PRR16: variants seen among roughly 807,000 people sequenced by gnomAD.
PRR16 encodes the protein proline rich 16.
Under a neutral mutation model 18.2 loss-of-function variants are expected in PRR16, and 6 were observed. The observed-to-expected ratio is 0.33, with a 90% CI of 0.18 to 0.65. PRR16 has a LOEUF of 0.65. Ranked by LOEUF, PRR16 falls within the 30% of genes least tolerant of loss-of-function variation. The pLI, the probability that PRR16 is intolerant of heterozygous loss-of-function variation, is 0.74. For synonymous variants in PRR16, 151 were observed against 147.8 expected (o/e 1.02, Z -0.16); for missense variants, 412 against 376.6 (o/e 1.09, Z -0.78).
chr5:120,502,854 A>G (rs191614846), intron 1 of PRR16, among the ~76,000 whole-genome samples: 1 of 152,318 alleles, frequency 6.6e-6, no homozygotes, highest in Non-Finnish European at 1.5e-5. Flanking sequence ...CCCAAAAAAT[A>G]ATAGTAAGTG....
intron 1 of PRR16, among the ~76,000 whole-genome samples, chr5:120,471,574 C>T (rs573412689): frequency 2.0e-5 from 3 of 151,982 alleles, no homozygotes; most frequent in Non-Finnish European, 4.4e-5. Context: ...TATTATAATT[C>T]GATTTCTTGT....
chr5:120,754,881 A>G, the PRR16 span, among the ~76,000 whole-genome samples: 2 of 151,374 alleles, frequency 1.3e-5, no homozygotes, highest in Non-Finnish European at 2.9e-5. Flanking sequence ...CATGAGGTAT[A>G]AGGAGAGTGA....
At chr5:120,523,709 A>G (rs1482108459) in intron 1 of PRR16, among the ~76,000 whole-genome samples, 2 of 152,148 alleles carry the variant, frequency 1.3e-5, no homozygotes, top group Non-Finnish European at 2.9e-5. Context: ...TTATATGTAT[A>G]TTTAAATTAA....
intron 1 of PRR16, among the ~76,000 whole-genome samples, chr5:120,576,735 C>G (rs560955788): frequency 1.3e-3 from 195 of 152,160 alleles, no homozygotes; most frequent in Non-Finnish European, 2.4e-3. Context: ...AGTTTCTAGC[C>G]TCCTGGCTTT....
chr5:120,672,384 AGT>A (rs1756639867), intron 1 of PRR16, among the ~76,000 whole-genome samples: 1 of 151,852 alleles, frequency 6.6e-6, no homozygotes, highest in South Asian at 2.1e-4. Context: ...AAGTGAAAAG[AGT>A]GTGGAGTGAG....
chr5:120,511,909 G>A (rs921790581), intron 1 of PRR16, among the ~76,000 whole-genome samples: 1 of 152,206 alleles, frequency 6.6e-6, no homozygotes, highest in African/African-American at 2.4e-5. Context: ...CCTTCTAGGG[G>A]TCTTCTAGGA....
Position 120,572,152 on chromosome 5 carries a change from G to A in PRR16, c.159+107507G>A, listed in dbSNP as rs541172474. ...ATTGGTCAAAGGAGTCTCTCATATT[G>A]TATTGGTCAAAGGAGTCTCTCATAT... On this transcript the variant is annotated intron_variant, in intron 1 of 1. Coordinates refer to ENST00000407149, the MANE Select transcript of PRR16 (RefSeq NM_001300783.2). Among the ~76,000 whole-genome samples, 27 of 152,272 alleles carry A rather than the reference G, an allele frequency of 1.8e-4. No homozygotes were observed. In the South Asian group the frequency reaches 5.4e-3, roughly 30 times the overall value.
chr5:120,499,222 G>C (rs1750365249), intron 1 of PRR16, among the ~76,000 whole-genome samples: 1 of 151,600 alleles, frequency 6.6e-6, no homozygotes, highest in Non-Finnish European at 1.5e-5. Context: ...CGACTCTCCT[G>C]TCTCAGCCGC....
At chr5:120,609,599 T>C (rs1280322337) in intron 1 of PRR16, among the ~76,000 whole-genome samples, 1 of 152,208 alleles carries the variant, frequency 6.6e-6, no homozygotes, top group Non-Finnish European at 1.5e-5. Flanking sequence ...GGCTATCTTA[T>C]TGAATTATTT....
Position 120,505,946 on chromosome 5 carries a change from G to GTATATA in PRR16, c.159+41320_159+41325dup, listed in dbSNP as rs10635515. Among the ~76,000 whole-genome samples, 598 of 141,298 alleles carry GTATATA rather than the reference G, an allele frequency of 4.2e-3. 4 individuals are homozygous for GTATATA. Among genetic ancestry groups the GTATATA allele is most frequent in the African/African-American group, 0.012 (474 of 38,646 alleles). The allele number at this position is 141,298 out of a possible 152,430, so 92.7% of individuals were successfully genotyped here. ...TATATATGTGTGTATGTGTGTGTGT[G>GTATATA]TATATATATATATATATATATATAC... On this transcript the variant is annotated intron_variant, in intron 1 of 1. Coordinates refer to ENST00000407149, the MANE Select transcript of PRR16 (RefSeq NM_001300783.2).
chr5:120,646,415 C>G (rs941725987), intron 1 of PRR16, among the ~76,000 whole-genome samples: 1 of 151,642 alleles, frequency 6.6e-6, no homozygotes, highest in Non-Finnish European at 1.5e-5. Flanking sequence ...TTTTAGCAGC[C>G]AAGATGAGAG....
intron 1 of PRR16, among the ~76,000 whole-genome samples, chr5:120,586,291 C>A (rs1580755252): frequency 6.6e-6 from 1 of 151,954 alleles, no homozygotes; most frequent in African/African-American, 2.4e-5. Context: ...AAAAGAGAGA[C>A]CTAATTTACC....
chr5:120,508,080 T>C (rs1186312331), intron 1 of PRR16, among the ~76,000 whole-genome samples: 1 of 152,106 alleles, frequency 6.6e-6, no homozygotes, highest in Non-Finnish European at 1.5e-5. Context: ...CCTAAGTATG[T>C]CATTGGCGGG....
intron 1 of PRR16, among the ~76,000 whole-genome samples, chr5:120,669,380 C>G (rs778937143): frequency 1.4e-4 from 22 of 151,938 alleles, no homozygotes; most frequent in Admixed American, 9.2e-4. Context: ...TTTGCCAACT[C>G]TACTTTGTCA....
chr5:120,647,207 T>C (rs1300615219), intron 1 of PRR16, among the ~76,000 whole-genome samples: 2 of 151,872 alleles, frequency 1.3e-5, no homozygotes, highest in African/African-American at 2.4e-5. Flanking sequence ...AAAGGAAATG[T>C]TGGAATACAT....
At chr5:120,642,524 A>G (rs1024036361) in intron 1 of PRR16, among the ~76,000 whole-genome samples, 1 of 152,088 alleles carries the variant, frequency 6.6e-6, no homozygotes, top group Non-Finnish European at 1.5e-5. Context: ...AAAAAAATGT[A>G]TAAACTGTCT....
chr5:120,731,770 A>T, the PRR16 span, among the ~76,000 whole-genome samples: 1 of 152,226 alleles, frequency 6.6e-6, no homozygotes, highest in Non-Finnish European at 1.5e-5. Context: ...TTATACATTA[A>T]ATAGGACTGA....
At chr5:120,566,128 G>A (rs1752729480) in intron 1 of PRR16, among the ~76,000 whole-genome samples, 1 of 152,176 alleles carries the variant, frequency 6.6e-6, no homozygotes, top group Non-Finnish European at 1.5e-5. Flanking sequence ...ATAGATTAAT[G>A]CTGTTATTTC....
intron 1 of PRR16, among the ~76,000 whole-genome samples, chr5:120,489,859 T>A (rs1422734239): frequency 6.6e-6 from 1 of 152,204 alleles, no homozygotes; most frequent in Non-Finnish European, 1.5e-5. Context: ...GGTGACAAAA[T>A]CTCTCAGCAT....
Sources: allele counts gnomAD v4.1 joint callset (sites outside exome capture counted in the v4.1 genomes callset), GRCh38; gene constraint gnomAD v4.1.1; transcripts MANE v1.5; gene names NCBI Gene and HGNC (gene_info 2026-07-23, HGNC 2026-07-21).